Variants in PLCE1 observed in about 807,000 individuals in gnomAD.
PLCE1 encodes phospholipase C epsilon 1.
Under a neutral mutation model 242.8 loss-of-function variants are expected in PLCE1, and 119 were observed. The observed-to-expected ratio is 0.49, with a 90% CI of 0.42 to 0.57. PLCE1 has a LOEUF of 0.57. Among genes scored for constraint, PLCE1 ranks in the 20% least tolerant of loss-of-function variants. The pLI is 0.00. For synonymous variants in PLCE1, 945 were observed against 1,017.4 expected, an observed-to-expected ratio of 0.93 and a Z score of 1.35; for missense variants, 2,441 against 2,788.8, an observed-to-expected ratio of 0.88 and a Z score of 2.81.
intron 4 of PLCE1, among the ~76,000 whole-genome samples, chr10:94,225,783 G>T (rs1239177082): frequency 6.6e-6 from 1 of 152,228 alleles, no homozygotes; most frequent in Non-Finnish European, 1.5e-5. Context: ...AAATGGGGTT[G>T]CACTGCCCTC....
intron 2 of PLCE1, among the ~76,000 whole-genome samples, chr10:94,070,364 G>A (rs1295578786): frequency 6.6e-6 from 1 of 152,108 alleles, no homozygotes; most frequent in Non-Finnish European, 1.5e-5. Context: ...CAGCATATAT[G>A]TTAAGAACAT....
intron 4 of PLCE1, among the ~76,000 whole-genome samples, chr10:94,196,905 G>A (rs551044426): frequency 3.3e-5 from 5 of 151,874 alleles, no homozygotes; most frequent in South Asian, 2.1e-4. Context: ...ATATATTTAC[G>A]GACTTGTATA....
intron 2 of PLCE1, chr10:94,089,422 A>G (rs368246402): frequency 8.2e-6 from 12 of 1,462,900 alleles, no homozygotes; most frequent in Admixed American, 2.1e-5. Context: ...TTCTTAATGC[A>G]TGGAATCCTG....
At chr10:94,188,460 C>T (rs527417729) in intron 4 of PLCE1, among the ~76,000 whole-genome samples, 5 of 152,166 alleles carry the variant, frequency 3.3e-5, no homozygotes, top group Non-Finnish European at 5.9e-5. Flanking sequence ...ATGACATTAA[C>T]CCTTACACGG....
chr10:94,185,482 G>A (rs1416385731), intron 4 of PLCE1, among the ~76,000 whole-genome samples: 2 of 152,158 alleles, frequency 1.3e-5, no homozygotes, highest in African/African-American at 4.8e-5. Flanking sequence ...GGCCACAAGA[G>A]TGAAACTCCA....
At chr10:94,280,278 AG>A (rs1450433715) in intron 20 of PLCE1, 4 of 331,374 alleles carry the variant, frequency 1.2e-5, no homozygotes, top group African/African-American at 4.3e-5. Context: ...CACCACCGGC[AG>A]GGGGCAGCAT....
intron 2 of PLCE1, chr10:94,089,107 G>A: frequency 1.9e-6 from 3 of 1,613,802 alleles, no homozygotes; most frequent in Non-Finnish European, 2.5e-6. Flanking sequence ...GGTTTCAGAA[G>A]GAAGTGCAGC....
intron 2 of PLCE1, among the ~76,000 whole-genome samples, chr10:94,045,310 A>G (rs146161614): frequency 6.6e-6 from 1 of 152,018 alleles, no homozygotes. Flanking sequence ...ATATATATAT[A>G]TTTTTTGTAG....
At chr10:94,122,107 G>C (rs2046318228) in intron 2 of PLCE1, among the ~76,000 whole-genome samples, 1 of 152,200 alleles carries the variant, frequency 6.6e-6, no homozygotes, top group African/African-American at 2.4e-5. Flanking sequence ...GGAACTTTCT[G>C]TCCCTTTCAG....
At chr10:94,225,542 G>A (rs1209748756) in intron 4 of PLCE1, among the ~76,000 whole-genome samples, 3 of 152,120 alleles carry the variant, frequency 2.0e-5, no homozygotes, top group Admixed American at 2.0e-4. Context: ...CGAGGTGGCA[G>A]GCCTTGTAAT....
chr10:94,025,810 C>G (rs1439443569), intron 1 of PLCE1, among the ~76,000 whole-genome samples: 2 of 152,178 alleles, frequency 1.3e-5, no homozygotes, highest in African/African-American at 4.8e-5. Flanking sequence ...AGATGGCTAT[C>G]AAGCCTCCCA....
chr10:94,313,091 TGAGG>T (rs1361657655), intron 27 of PLCE1, among the ~76,000 whole-genome samples, 159 bp from the exon 28 acceptor site: 3 of 152,008 alleles, frequency 2.0e-5, no homozygotes, highest in Non-Finnish European at 4.4e-5. Context: ...ACTAAATGAC[TGAGG>T]AAGAGGTACC....
At chr10:94,059,247 T>C (rs1054489062) in intron 2 of PLCE1, among the ~76,000 whole-genome samples, 33 of 152,216 alleles carry the variant, frequency 2.2e-4, no homozygotes, top group Middle Eastern at 3.2e-3. Context: ...TTTAGACCAG[T>C]TGCTTAGGCT....
At chr10:94,207,076 C>G (rs1311821080) in intron 4 of PLCE1, among the ~76,000 whole-genome samples, 1 of 152,110 alleles carries the variant, frequency 6.6e-6, no homozygotes, top group African/African-American at 2.4e-5. Flanking sequence ...ACTAGTGAAC[C>G]ATTTACAAAG....
intron 3 of PLCE1, among the ~76,000 whole-genome samples, chr10:94,133,361 A>G (rs1489247874): frequency 1.3e-5 from 2 of 152,228 alleles, no homozygotes; most frequent in African/African-American, 4.8e-5. Flanking sequence ...CAGGTCAGAA[A>G]TGGCAGTGCA....
rs576795492 is a variant in PLCE1, at chr10:94,274,010, G to A, written c.4665+290G>A. The stretch of plus-strand genomic sequence containing the variant: ...ACTGTTGTGTCTGAAACTGAGCTTA[G>A]GGGGTTGTTCATCCCATAATGGCTG... On this transcript the variant is annotated intron_variant, in intron 19 of 32. Coordinates refer to ENST00000371380, the MANE Select transcript of PLCE1 (RefSeq NM_016341.4). 1.0e-3 allele frequency among the ~76,000 whole-genome samples: 154 copies of A among 152,298 alleles called. 1 individual carries two copies. The highest frequency in any genetic ancestry group is 1.7e-3 in the Non-Finnish European group (113 of 68,024).
chr10:94,118,975 G>A (rs570632149), intron 2 of PLCE1, among the ~76,000 whole-genome samples: 2 of 152,266 alleles, frequency 1.3e-5, no homozygotes, highest in African/African-American at 4.8e-5. Context: ...TCTTACAAAA[G>A]TGGAGAGAAA....
At chr10:94,050,574 C>T (rs1008607725) in intron 2 of PLCE1, among the ~76,000 whole-genome samples, 37 of 152,078 alleles carry the variant, frequency 2.4e-4, no homozygotes, top group African/African-American at 8.7e-4. Flanking sequence ...TACATCCCAT[C>T]CCTTTTGTGA....
intron 4 of PLCE1, among the ~76,000 whole-genome samples, chr10:94,212,047 A>G (rs1299586297): frequency 2.0e-5 from 3 of 152,206 alleles, no homozygotes; most frequent in African/African-American, 7.2e-5. Flanking sequence ...ATATTAGCAT[A>G]TTAAAGCCTC....
Sources: gnomAD v4.1 joint callset for allele counts (sites outside exome capture counted in the v4.1 genomes callset) on GRCh38, gnomAD v4.1.1 for gene constraint, MANE v1.5 for transcripts, NCBI Gene and HGNC (gene_info 2026-07-23, HGNC 2026-07-21) for gene names.